The following PKHD1L1 variants were observed in gnomAD, a reference collection of about 807,000 sequenced individuals.
PKHD1L1 encodes PKHD1 like 1.
Under a neutral mutation model 462.9 loss-of-function variants are expected in PKHD1L1, and 434 were observed. The observed-to-expected ratio is 0.94, with a 90% CI of 0.87 to 1.02. The LOEUF (loss-of-function observed/expected upper bound fraction) is 1.02. Among genes scored for constraint, PKHD1L1 ranks in the 50% least tolerant of loss-of-function variants. The pLI is 0.00. For synonymous variants in PKHD1L1, 1,781 were observed against 1,750.0 expected, an observed-to-expected ratio of 1.02 and a Z score of -0.44; for missense variants, 5,202 against 5,096.1, an observed-to-expected ratio of 1.02 and a Z score of -0.63.
chr8:109,502,609 T>C (rs568902210), intron 67 of PKHD1L1, among the ~76,000 whole-genome samples: 26 of 152,342 alleles, frequency 1.7e-4, no homozygotes, highest in African/African-American at 6.3e-4. Flanking sequence ...TCCTCTGATC[T>C]TACACTTAGA....
At chr8:109,368,832 A>T (rs991062561) in intron 2 of PKHD1L1, among the ~76,000 whole-genome samples, 1 of 151,914 alleles carries the variant, frequency 6.6e-6, no homozygotes, top group African/African-American at 2.4e-5. Flanking sequence ...CTGCAAAATT[A>T]AAAAAAATAC....
intron 30 of PKHD1L1, 94 bp downstream of exon 30, chr8:109,436,553 T>C: frequency 6.5e-7 from 1 of 1,529,762 alleles, no homozygotes; most frequent in Non-Finnish European, 8.7e-7. Context: ...AAACAAGTGG[T>C]GTATTTACTT....
chr8:109,471,873 A>T (rs1194190271), intron 50 of PKHD1L1, among the ~76,000 whole-genome samples: 1 of 152,084 alleles, frequency 6.6e-6, no homozygotes, highest in Non-Finnish European at 1.5e-5. Context: ...CACTTTTTCC[A>T]TTTGACACTA....
intron 39 of PKHD1L1, 70 bp from the exon 40 acceptor site, chr8:109,449,268 A>T: frequency 7.2e-7 from 1 of 1,394,920 alleles, no homozygotes; most frequent in African/African-American, 1.5e-5. Flanking sequence ...AAATAAAGGT[A>T]AAAAATATGT....
Position 109,530,907 on chromosome 8 carries a change from G to T in PKHD1L1, c.*817G>T, listed in dbSNP as rs773304222. 3.7e-4 allele frequency among the ~76,000 whole-genome samples: 57 copies of T among 152,118 alleles called. No individual in the cohort carries two copies. Among genetic ancestry groups the T allele is most frequent in the Non-Finnish European group, 2.1e-4 (14 of 68,032 alleles). Reference sequence around the variant, plus strand: ...ATGAATGAAGTATAAAGTGTGGGAAGTCAACAACAGAACAGAACTTATTTT... The same window carrying T: ...ATGAATGAAGTATAAAGTGTGGGAATTCAACAACAGAACAGAACTTATTTT... On this transcript the variant is annotated 3_prime_UTR_variant, in exon 78 of 78. Transcript: ENST00000378402.
intron 72 of PKHD1L1, among the ~76,000 whole-genome samples, chr8:109,517,074 T>C (rs985715887): frequency 7.9e-5 from 12 of 152,170 alleles, no homozygotes; most frequent in Non-Finnish European, 1.8e-4. Flanking sequence ...AGGGATATTA[T>C]TTTGTTCTCC....
At chr8:109,490,361 G>C (rs1264451933) in intron 60 of PKHD1L1, among the ~76,000 whole-genome samples, 1 of 151,538 alleles carries the variant, frequency 6.6e-6, no homozygotes, top group Non-Finnish European at 1.5e-5. Flanking sequence ...TTTCCAAATG[G>C]TTTCTAGTAA....
chr8:109,515,228 A>G lies in PKHD1L1; in HGVS notation c.11612A>G (p.Asn3871Ser), dbSNP rs1197335940. The G allele has an allele frequency of 1.2e-6, 2 of 1,604,272 alleles. No individual in the cohort carries two copies. The highest frequency in any genetic ancestry group is 3.4e-5 in the Admixed American group (2 of 59,278). ...TLQRLDVYVN[N>S]LLVCPKTTIW... ...CAACGTTTGGATGTCTATGTGAACA[A>G]CTTATTGGTCTGTCCAAAAACTACA... The change falls in exon 72 of 78, where the codon AAC (asparagine) becomes AGC (serine). Residue 3871 changes from asparagine to serine, a missense_variant. This residue lies in a region of PKHD1L1 where 698 missense variants were observed against 736.3 expected (regional missense o/e 0.95). Coordinates refer to ENST00000378402, the MANE Select transcript of PKHD1L1 (RefSeq NM_177531.6).
At chr8:109,522,097 A>G in intron 73 of PKHD1L1, 89 bp from the exon 74 acceptor site, 1 of 1,285,928 alleles carries the variant, frequency 7.8e-7, no homozygotes, top group Non-Finnish European at 1.1e-6. Context: ...TGATGGAGCA[A>G]TGCAAAGAAT....
In PKHD1L1 at chr8:109,449,463, TTA is replaced by T; in HGVS notation, c.6153_6154del (p.Cys2052Ter). Reference sequence around the variant, plus strand: ...GCTTAGATCTGATTACACAACACTATTATGTGAAATTCCATCTAATAATGGTA... The same window carrying T: ...GCTTAGATCTGATTACACAACACTATTGTGAAATTCCATCTAATAATGGTA... ...DRLRSDYTTL[L>X]CEIPSNNGTG... On this transcript the variant is annotated frameshift_variant, in exon 40 of 78. Coordinates refer to ENST00000378402, the MANE Select transcript of PKHD1L1 (RefSeq NM_177531.6). LOFTEE classifies it high-confidence loss of function. The T allele has an allele frequency of 6.3e-7, 1 of 1,597,938 alleles. No individual in the cohort carries two copies. The highest frequency in any genetic ancestry group is 8.5e-7 in the Non-Finnish European group (1 of 1,171,662).
chr8:109,477,628 T>A (rs1244709502), intron 53 of PKHD1L1, among the ~76,000 whole-genome samples: 1 of 152,158 alleles, frequency 6.6e-6, no homozygotes, highest in Non-Finnish European at 1.5e-5. Context: ...AGTTGCAGAA[T>A]GTTAGATTTA....
intron 2 of PKHD1L1, among the ~76,000 whole-genome samples, chr8:109,371,296 T>A (rs1203816833): frequency 6.6e-6 from 1 of 152,242 alleles, no homozygotes; most frequent in Non-Finnish European, 1.5e-5. Context: ...ACTGCATGAA[T>A]GTCTTCTTTT....
At chr8:109,411,811 C>A (rs545910155) in intron 19 of PKHD1L1, among the ~76,000 whole-genome samples, 1 of 152,142 alleles carries the variant, frequency 6.6e-6, no homozygotes, top group Non-Finnish European at 1.5e-5. Context: ...TTTCTTGATG[C>A]TTTTATGTGA....
intron 56 of PKHD1L1, among the ~76,000 whole-genome samples, 181 bp from the exon 57 acceptor site, chr8:109,482,806 G>A (rs563415770): frequency 6.6e-6 from 1 of 151,474 alleles, no homozygotes; most frequent in Admixed American, 6.6e-5. Context: ...CCAGATTTCC[G>A]GAAGTGGGTT....
At chr8:109,383,156 T>TA (rs1491362387) in intron 4 of PKHD1L1, among the ~76,000 whole-genome samples, 6 of 55,822 alleles carry the variant, frequency 1.1e-4, no homozygotes, top group African/African-American at 1.5e-4. Flanking sequence ...ATTATATATA[T>TA]TTATATATAA....
At chr8:109,386,220 C>A (rs1812435682) in intron 6 of PKHD1L1, among the ~76,000 whole-genome samples, 1 of 152,174 alleles carries the variant, frequency 6.6e-6, no homozygotes, top group African/African-American at 2.4e-5. Flanking sequence ...TAATTGTCCA[C>A]ATTTTGGACT....
chr8:109,458,855 C>A (rs2607637), intron 46 of PKHD1L1, among the ~76,000 whole-genome samples: 70,409 of 151,912 alleles, frequency 0.46, 16,988 homozygotes, highest in South Asian at 0.64. Context: ...AAACTTTCTA[C>A]TTGGTATCCC....
chr8:109,522,641 C>T, intron 74 of PKHD1L1, 103 bp from the exon 75 acceptor site: 1 of 1,173,092 alleles, frequency 8.5e-7, no homozygotes, highest in Non-Finnish European at 1.1e-6. Flanking sequence ...GAACATATTC[C>T]AAAATAAATA....
chr8:109,383,360 TATA>T (rs1812263122), intron 4 of PKHD1L1, among the ~76,000 whole-genome samples: 1 of 113,374 alleles, frequency 8.8e-6, no homozygotes, highest in African/African-American at 3.5e-5. Flanking sequence ...TATTATATAT[TATA>T]ATATATTATA....
Sources: allele counts gnomAD v4.1 joint callset (sites outside exome capture counted in the v4.1 genomes callset), GRCh38; gene constraint gnomAD v4.1.1; regional missense constraint gnomAD v4.1.1; transcripts MANE v1.5; gene names NCBI Gene and HGNC (gene_info 2026-07-23, HGNC 2026-07-21).